Variants in PCDHGA1 observed in about 807,000 individuals in gnomAD.
PCDHGA1 encodes the protein protocadherin gamma-A1.
In PCDHGA1, 32 loss-of-function variants were observed where a neutral mutation model predicts 58.0. The observed-to-expected ratio is 0.55, with a 90% CI of 0.42 to 0.74. PCDHGA1 has a LOEUF of 0.74. Ranked by LOEUF, PCDHGA1 falls within the 30% of genes least tolerant of loss-of-function variation. The pLI is 0.00. For synonymous variants in PCDHGA1, 498 were observed against 501.1 expected, an observed-to-expected ratio of 0.99 and a Z score of 0.08; for missense variants, 1,205 against 1,182.3, an observed-to-expected ratio of 1.02 and a Z score of -0.28.
At chr5:141,353,093 G>A (rs1040742747) in intron 1 of PCDHGA1, among the ~76,000 whole-genome samples, 1 of 152,022 alleles carries the variant, frequency 6.6e-6, no homozygotes, top group Non-Finnish European at 1.5e-5. Context: ...TGCGGGAGGG[G>A]GTACTAGATA....
In PCDHGA1 at chr5:141,408,231, G is replaced by A. The variant is rs775180708; in HGVS notation, c.2421+75126G>A. On this transcript the variant is annotated intron_variant, in intron 1 of 3. Coordinates refer to ENST00000517417, the MANE Select transcript of PCDHGA1 (RefSeq NM_018912.3). ...GGAGGGAGCTGCGCGCAGAGGCGCC[G>A]GGCCGGCCCGCGGCAGGTGCTATTT... 5 of 1,567,976 alleles carry A rather than the reference G, an allele frequency of 3.2e-6. No individual in the cohort carries two copies. In the African/African-American group the frequency reaches 5.4e-5, roughly 17 times the overall value.
chr5:141,476,656 T>C lies in PCDHGA1; in HGVS notation c.2422-18151T>C. 1 of 1,614,210 alleles carries C rather than the reference T, an allele frequency of 6.2e-7. No individual in the cohort carries two copies. Among genetic ancestry groups the C allele is most frequent in the Non-Finnish European group, 8.5e-7 (1 of 1,180,044 alleles). On this transcript the variant is annotated intron_variant, in intron 1 of 3. Coordinates refer to ENST00000517417, the MANE Select transcript of PCDHGA1 (RefSeq NM_018912.3). This position sits in a 1 kb window ranked among gnomAD's most constrained non-coding sequence, Gnocchi z 7.6. ...ATGAGCTGAGCCGAAATGAATACTT[T>C]GCGCTTCGCGTGCAGACGCGGGAGG...
chr5:141,439,115 C>A (rs2098087976), intron 1 of PCDHGA1, among the ~76,000 whole-genome samples: 1 of 151,476 alleles, frequency 6.6e-6, no homozygotes, highest in Non-Finnish European at 1.5e-5. Context: ...ATCACTTGAA[C>A]CCGGGAGACA....
chr5:141,390,665 T>C, intron 1 of PCDHGA1: 1 of 192,900 alleles, frequency 5.2e-6, no homozygotes, highest in Non-Finnish European at 1.1e-5. Context: ...ACCATAAATA[T>C]AAAAATAATA....
chr5:141,399,996 C>A (rs753801667), intron 1 of PCDHGA1: 5 of 1,612,402 alleles, frequency 3.1e-6, no homozygotes, highest in Non-Finnish European at 4.2e-6. Flanking sequence ...GAGAGGTGCG[C>A]ACAGCGCGTG....
At chr5:141,479,671 G>A (rs1484965995) in intron 1 of PCDHGA1, 1 of 152,196 alleles carries the variant, frequency 6.6e-6, no homozygotes, top group Non-Finnish European at 1.5e-5. Flanking sequence ...AACTACAAAA[G>A]GAGAGTCTTT....
chr5:141,374,944 G>A (rs1405459227), intron 1 of PCDHGA1: 6 of 1,614,018 alleles, frequency 3.7e-6, no homozygotes, highest in Non-Finnish European at 5.1e-6. Context: ...TTACAGAAAA[G>A]ATCTCACAAA....
In PCDHGA1 at chr5:141,490,291, C is replaced by T; in HGVS notation, c.2422-4516C>T. 6.2e-7 allele frequency: 1 copy of T among 1,614,212 alleles called. No homozygotes were observed. Among genetic ancestry groups the T allele is most frequent in the Non-Finnish European group, 8.5e-7 (1 of 1,180,048 alleles). On this transcript the variant is annotated intron_variant, in intron 1 of 3. Transcript: ENST00000517417. The surrounding 1 kb of genome is among the most constrained non-coding windows in gnomAD (Gnocchi z 5.4). ...TGTCAATGACAATGCCCCAGAGGTG[C>T]TATTGGCCTCTTTGGCCAACCCTGT...
intron 1 of PCDHGA1, chr5:141,478,582 G>T: frequency 1.3e-6 from 2 of 1,579,988 alleles, no homozygotes; most frequent in Non-Finnish European, 1.7e-6. Context: ...CCCTGTTAGT[G>T]CTTTTTTATT....
At chr5:141,357,941 ACAC>A (rs1447440332) in intron 1 of PCDHGA1, among the ~76,000 whole-genome samples, 4 of 152,096 alleles carry the variant, frequency 2.6e-5, no homozygotes. Flanking sequence ...TGTAATCCTA[ACAC>A]TTTGGGAGTG....
At chr5:141,403,319 G>A (rs776881134) in intron 1 of PCDHGA1, 2 of 1,613,954 alleles carry the variant, frequency 1.2e-6, no homozygotes, top group East Asian at 2.2e-5. Flanking sequence ...AGAAATAGAA[G>A]TAACTGATAT....
At chr5:141,396,952 A>G (rs2093458879) in intron 1 of PCDHGA1, among the ~76,000 whole-genome samples, 1 of 152,196 alleles carries the variant, frequency 6.6e-6, no homozygotes, top group African/African-American at 2.4e-5. Context: ...AGGAAAGAAA[A>G]TCCTTACTCT....
intron 1 of PCDHGA1, among the ~76,000 whole-genome samples, chr5:141,381,177 C>G (rs935775632): frequency 6.6e-6 from 1 of 152,214 alleles, no homozygotes; most frequent in African/African-American, 2.4e-5. Context: ...TCCCACAAAA[C>G]GAAGTTAAGC....
intron 1 of PCDHGA1, among the ~76,000 whole-genome samples, chr5:141,458,664 G>A (rs544369246): frequency 6.6e-6 from 1 of 152,196 alleles, no homozygotes; most frequent in African/African-American, 2.4e-5. Context: ...CCACCTCTCG[G>A]GTTCAAGCAA....
At chr5:141,418,872 T>C (rs1351483025) in intron 1 of PCDHGA1, 11 of 1,613,996 alleles carry the variant, frequency 6.8e-6, no homozygotes, top group East Asian at 2.2e-5. Context: ...GTAGAAGTTG[T>C]AGACGAAAAC....
In PCDHGA1 at chr5:141,476,467, G is replaced by A. The variant is rs375302797; in HGVS notation, c.2422-18340G>A. On this transcript the variant is annotated intron_variant, in intron 1 of 3. Transcript: ENST00000517417. This position sits in a 1 kb window ranked among gnomAD's most constrained non-coding sequence, Gnocchi z 7.6. Reference sequence around the variant, plus strand: ...AGTTGGTAGTGGAGAACCCGCTGGAGCTGTTCAGCGTGGAAGTGGTGATCC... The same window carrying A: ...AGTTGGTAGTGGAGAACCCGCTGGAACTGTTCAGCGTGGAAGTGGTGATCC... The A allele has an allele frequency of 2.3e-5, 37 of 1,614,142 alleles. No individual in the cohort carries two copies. The African/African-American group carries it at 4.5e-4, about 20-fold the overall frequency.
chr5:141,414,134 A>G, intron 1 of PCDHGA1: 1 of 1,595,028 alleles, frequency 6.3e-7, no homozygotes, highest in Non-Finnish European at 8.5e-7. Flanking sequence ...GGTTTCTATG[A>G]AATAGAAATA....
In PCDHGA1 at chr5:141,423,756, G is replaced by A. The variant is rs544048105; in HGVS notation, c.2422-71051G>A. 1.6e-5 allele frequency: 7 copies of A among 448,620 alleles called. 1 individual carries two copies. Among genetic ancestry groups the A allele is most frequent in the Non-Finnish European group, 2.1e-5 (7 of 329,706 alleles). 27.8% of individuals were successfully genotyped at this position (448,620 alleles called of 1,614,324 possible). A position where few individuals can be genotyped will look rare whatever the true frequency, so the allele number is the denominator to read the frequency against. ...GCCTGTTATGAAAACTGTTTGGGGG[G>A]GGGGTGGGGCGGCATATATTTAGTT... On this transcript the variant is annotated intron_variant, in intron 1 of 3. Coordinates refer to ENST00000517417, the MANE Select transcript of PCDHGA1 (RefSeq NM_018912.3).
intron 1 of PCDHGA1, chr5:141,370,412 A>G (rs1561546319): frequency 3.2e-6 from 5 of 1,567,090 alleles, no homozygotes; most frequent in Non-Finnish European, 4.3e-6. Context: ...ATAGCTCCGG[A>G]TGGAGGGGCC....
Sources: allele counts gnomAD v4.1 joint callset (sites outside exome capture counted in the v4.1 genomes callset), GRCh38; gene constraint gnomAD v4.1.1; non-coding constraint Gnocchi (gnomAD v3.1); transcripts MANE v1.5; gene names NCBI Gene and HGNC (gene_info 2026-07-23, HGNC 2026-07-21).